The following CSMD1 variants were observed in gnomAD, a reference collection of about 807,000 sequenced individuals.
CSMD1 encodes the protein CUB and Sushi multiple domains 1.
CSMD1 carries 213 observed loss-of-function variants against 417.5 expected under a neutral mutation model. The observed-to-expected ratio is 0.51, with a 90% CI of 0.46 to 0.57. CSMD1 has a LOEUF of 0.57. CSMD1 is among the 20% of genes least tolerant of loss of function. The probability of loss-of-function intolerance (pLI) is 0.00; values close to 1 mark genes in which losing one functional copy is unlikely to be tolerated. For missense variants in CSMD1, 6,923 were observed against 4,529.7 expected, an observed-to-expected ratio of 1.53 and a Z score of -15.17; for synonymous variants, 2,862 against 1,736.8, an observed-to-expected ratio of 1.65 and a Z score of -16.11.
chr8:4,057,125 G>T (rs961820756), intron 3 of CSMD1, among the ~76,000 whole-genome samples: 7 of 152,140 alleles, frequency 4.6e-5, no homozygotes, highest in East Asian at 3.9e-4. Context: ...ACTTCCACAA[G>T]GGTTGAACTA....
At chr8:4,024,760 G>A (rs118158034) in intron 4 of CSMD1, among the ~76,000 whole-genome samples, 144 of 152,236 alleles carry the variant, frequency 9.5e-4, no homozygotes, top group Non-Finnish European at 1.3e-3. Context: ...TGTGAAGTAC[G>A]GCATACATAA....
chr8:3,822,286 G>C (rs754136689), intron 5 of CSMD1, among the ~76,000 whole-genome samples: 10 of 152,242 alleles, frequency 6.6e-5, no homozygotes, highest in Non-Finnish European at 1.2e-4. Context: ...CCTTGTAAGA[G>C]CTTGTGTCTA....
intron 5 of CSMD1, among the ~76,000 whole-genome samples, chr8:3,836,803 C>G (rs1194163524): frequency 2.0e-5 from 3 of 152,022 alleles, no homozygotes; most frequent in African/African-American, 7.2e-5. Context: ...TATTTCTTCT[C>G]ACAGTTTAAA....
At chr8:4,074,095 T>C (rs1385223892) in intron 3 of CSMD1, among the ~76,000 whole-genome samples, 1 of 152,084 alleles carries the variant, frequency 6.6e-6, no homozygotes, top group Non-Finnish European at 1.5e-5. Context: ...GTAATATAAT[T>C]TATTAAGTGA....
At chr8:4,519,996 G>C (rs926458079) in intron 2 of CSMD1, among the ~76,000 whole-genome samples, 46 of 151,796 alleles carry the variant, frequency 3.0e-4, no homozygotes, top group African/African-American at 1.0e-3. Context: ...GGTTATCAGA[G>C]AAATTATGAA....
intron 3 of CSMD1, among the ~76,000 whole-genome samples, chr8:4,115,992 ATTTATTT>A (rs1285527179): frequency 1.8e-4 from 27 of 149,040 alleles, no homozygotes; most frequent in African/African-American, 6.4e-4. Context: ...TTATTTATTT[ATTTATTT>A]ATTTATTTAT....
intron 1 of CSMD1, among the ~76,000 whole-genome samples, chr8:4,877,639 C>G (rs1397580113): frequency 6.6e-6 from 1 of 152,078 alleles, no homozygotes; most frequent in African/African-American, 2.4e-5. Context: ...ATTTCCAAGT[C>G]CTGCCAAATA....
At chr8:3,506,227 G>A (rs930849835) in intron 10 of CSMD1, among the ~76,000 whole-genome samples, 1 of 152,158 alleles carries the variant, frequency 6.6e-6, no homozygotes, top group South Asian at 2.1e-4. Flanking sequence ...GGCCCTGGGG[G>A]AGAGGGTGCA....
At chr8:3,938,309 T>C (rs1324011605) in intron 5 of CSMD1, among the ~76,000 whole-genome samples, 1 of 152,132 alleles carries the variant, frequency 6.6e-6, no homozygotes, top group Non-Finnish European at 1.5e-5. Flanking sequence ...GTTCCTTAAA[T>C]AATTTGTGTT....
chr8:4,421,638 T>A (rs1305393276), intron 2 of CSMD1, among the ~76,000 whole-genome samples: 1 of 151,944 alleles, frequency 6.6e-6, no homozygotes, highest in Non-Finnish European at 1.5e-5. Flanking sequence ...ATAAACTGAA[T>A]GAAAATATAA....
intron 2 of CSMD1, among the ~76,000 whole-genome samples, chr8:4,546,628 G>A (rs1055306338): frequency 1.3e-5 from 2 of 152,084 alleles, no homozygotes; most frequent in Non-Finnish European, 2.9e-5. Context: ...TTGCTCTCAG[G>A]ACTTTGGCCT....
At chr8:4,619,389 G>A (rs942254851) in intron 2 of CSMD1, among the ~76,000 whole-genome samples, 1 of 152,124 alleles carries the variant, frequency 6.6e-6, no homozygotes, top group Admixed American at 6.6e-5. Flanking sequence ...TTTGAGTGAG[G>A]ATTTCTTTTC....
intron 49 of CSMD1, among the ~76,000 whole-genome samples, chr8:3,075,921 GGC>G (rs1016443047): frequency 1.3e-5 from 2 of 151,524 alleles, no homozygotes; most frequent in African/African-American, 2.4e-5. Context: ...CGTGGTGGCG[GGC>G]GCCTGTAGTC....
chr8:3,879,096 T>A (rs999877267), intron 5 of CSMD1, among the ~76,000 whole-genome samples: 8 of 152,186 alleles, frequency 5.3e-5, no homozygotes, highest in Admixed American at 2.6e-4. Flanking sequence ...CCCAAGCATG[T>A]AGTCATCTTC....
At chr8:3,096,521 C>T (rs1252322471) in intron 47 of CSMD1, among the ~76,000 whole-genome samples, 1 of 152,128 alleles carries the variant, frequency 6.6e-6, no homozygotes, top group Admixed American at 6.5e-5. Context: ...TGACTTGCTC[C>T]TCCTTGCCTT....
intron 41 of CSMD1, among the ~76,000 whole-genome samples, chr8:3,131,066 C>G (rs1470645757): frequency 6.6e-6 from 1 of 152,098 alleles, no homozygotes; most frequent in East Asian, 1.9e-4. Context: ...TCTGGGAAGT[C>G]TAATAAGTTT....
intron 5 of CSMD1, among the ~76,000 whole-genome samples, chr8:3,762,119 G>A (rs781496675): frequency 1.3e-5 from 2 of 152,062 alleles, no homozygotes; most frequent in Non-Finnish European, 2.9e-5. Flanking sequence ...GGCTCATTCT[G>A]CTTTCCAGCC....
At chr8:4,720,995 T>C (rs2116908692) in intron 1 of CSMD1, among the ~76,000 whole-genome samples, 1 of 152,262 alleles carries the variant, frequency 6.6e-6, no homozygotes, top group South Asian at 2.1e-4. Context: ...TTTATTTGAA[T>C]GGAATTTAAA....
chr8:4,447,422 A>G (rs1375892619), intron 2 of CSMD1, among the ~76,000 whole-genome samples: 1 of 152,228 alleles, frequency 6.6e-6, no homozygotes, highest in Non-Finnish European at 1.5e-5. Context: ...AGTGGATGGC[A>G]TTTGTCTGGA....
Sources: gnomAD v4.1 joint callset for allele counts (sites outside exome capture counted in the v4.1 genomes callset) on GRCh38, gnomAD v4.1.1 for gene constraint, MANE v1.5 for transcripts, NCBI Gene and HGNC (gene_info 2026-07-23, HGNC 2026-07-21) for gene names.